TROAP: variants seen among roughly 807,000 people sequenced by gnomAD.
TROAP encodes the protein trophinin associated protein.
A neutral mutation model predicts 83.4 loss-of-function variants in TROAP; 62 were observed. The observed-to-expected ratio is 0.74, with a 90% CI of 0.61 to 0.92. The LOEUF is 0.92. Ranked by LOEUF, TROAP falls within the 40% of genes least tolerant of loss-of-function variation. The pLI is 0.00. For missense variants in TROAP, 876 were observed against 985.1 expected, an observed-to-expected ratio of 0.89 and a Z score of 1.48; for synonymous variants, 352 against 386.4, an observed-to-expected ratio of 0.91 and a Z score of 1.04.
rs541621519 is a variant in TROAP at position 49,323,425 on chromosome 12, G to T, written c.-6+76G>T. On this transcript the variant is annotated intron_variant, in intron 1 of 14. Coordinates refer to ENST00000257909, the MANE Select transcript of TROAP (RefSeq NM_005480.4). ...GGAGGGCAGTTTGGGGCCCGAGGGCGAAAGAGTAGGCTCGGGGTGTCTGGA... is the reference window on the plus strand; with the variant it reads ...GGAGGGCAGTTTGGGGCCCGAGGGCTAAAGAGTAGGCTCGGGGTGTCTGGA... 2.6e-4 allele frequency: 204 copies of T among 785,338 alleles called. 3 individuals are homozygous for T. In the East Asian group the frequency reaches 5.4e-3, roughly 21 times the overall value. The allele number at this position is 785,338 out of a possible 1,614,324, so 48.6% of individuals were successfully genotyped here. A position where few individuals can be genotyped will look rare whatever the true frequency, so the allele number is the denominator to read the frequency against.
chr12:49,323,886 C>G lies in TROAP; in HGVS notation c.186C>G (p.Leu62=), dbSNP rs749556712. 1.2e-6 allele frequency: 2 copies of G among 1,614,080 alleles called. No homozygotes were observed. The highest frequency in any genetic ancestry group is 1.1e-5 in the South Asian group (1 of 91,084). ...CACCGCTCAATATTCAACGCCCCCTCGTTGATTCAGCAGGCCCCAGGCCGA... is the reference window on the plus strand; with the variant it reads ...CACCGCTCAATATTCAACGCCCCCTGGTTGATTCAGCAGGCCCCAGGCCGA... The part of the protein sequence containing the change: ...QKPPLNIQRP[L]VDSAGPRPKA... The change falls in exon 3 of 15, where the codon CTC becomes CTG. Residue 62 remains leucine (L), a synonymous_variant. Transcript: ENST00000257909.
In TROAP at chr12:49,325,804, G is replaced by T. The variant is rs781060976; in HGVS notation, c.553G>T (p.Ala185Ser). The stretch of plus-strand genomic sequence containing the variant: ...AACCCCCACCCACCGACTGGACCCT[G>T]CCAGGGCTTCCTGCTTCTCTAGGCT... ...PRTPTHRLDP[A>S]RASCFSRLEG... is the part of the protein sequence containing the mutation. Residue 185 changes from alanine (A) to serine (S), a missense_variant, in exon 5 of 15, where the codon GCC becomes TCC. Around this residue, in one of 3 missense-constraint regions of TROAP, gnomAD observed 689 missense variants for 722.6 expected, o/e 0.95. Coordinates refer to ENST00000257909, the MANE Select transcript of TROAP (RefSeq NM_005480.4). The T allele has an allele frequency of 1.2e-6, 2 of 1,614,122 alleles. No homozygotes were observed. The highest frequency in any genetic ancestry group is 1.7e-5 in the Admixed American group (1 of 60,030).
intron 6 of TROAP, 159 bp from the exon 7 acceptor site, chr12:49,326,509 C>G (rs1298355112): frequency 2.2e-6 from 2 of 900,542 alleles, no homozygotes; most frequent in Non-Finnish European, 3.3e-6. Flanking sequence ...TTGCCTTCAC[C>G]TCTCTGAGCT....
intron 6 of TROAP, among the ~76,000 whole-genome samples, chr12:49,326,406 A>T (rs1408810947): frequency 6.6e-6 from 1 of 152,248 alleles, no homozygotes; most frequent in East Asian, 1.9e-4. Flanking sequence ...GAAATGTGCT[A>T]TCTCTTTTGT....
At position 49,329,641 on chromosome 12, in the gene TROAP, C is replaced by A; in HGVS notation, c.1164+187C>A. On this transcript the variant is annotated intron_variant, in intron 11 of 14. Coordinates refer to ENST00000257909, the MANE Select transcript of TROAP (RefSeq NM_005480.4). The surrounding 1 kb of genome is among the most constrained non-coding windows in gnomAD (Gnocchi z 4.5). The stretch of plus-strand genomic sequence containing the variant: ...AGATCTTTGAGACCAGCCTGGGCAA[C>A]ATAGTGAGACCCTGTCTCCACTAAA... The A allele has an allele frequency of 1.0e-6, 1 of 967,076 alleles. No homozygotes were observed. Among genetic ancestry groups the A allele is most frequent in the Non-Finnish European group, 1.5e-6 (1 of 648,904 alleles). The allele number at this position is 967,076 out of a possible 1,614,324, so 59.9% of individuals were successfully genotyped here. A position where few individuals can be genotyped will look rare whatever the true frequency, so the allele number is the denominator to read the frequency against.
rs10400538 is a variant in TROAP at position 49,330,119 on chromosome 12, C to G, written c.1300-26C>G. On this transcript the variant is annotated intron_variant, in intron 12 of 14. Transcript: ENST00000257909. ...CTACTGAACGCACATCTTGATGTCA[C>G]ACTGGGGTGCTCTCTCCCACCACAG... 1,872 of 1,609,898 alleles carry G rather than the reference C, an allele frequency of 1.2e-3. 17 individuals carry two copies. The African/African-American group carries it at 0.021, about 18-fold the overall frequency.
intron 6 of TROAP, among the ~76,000 whole-genome samples, chr12:49,326,376 A>G (rs1439092564): frequency 1.3e-5 from 2 of 152,036 alleles, no homozygotes. Context: ...TACTCAAGTC[A>G]TGGGGGGACA....
In TROAP at chr12:49,329,563, C is replaced by T. The variant is rs1357332200; in HGVS notation, c.1164+109C>T. On this transcript the variant is annotated intron_variant, in intron 11 of 14. Transcript: ENST00000257909. The surrounding 1 kb of genome is among the most constrained non-coding windows in gnomAD (Gnocchi z 4.5). ...TTTCTGGGCCAGGCATGGTGGCTCA[C>T]ACCTGTAATCCCAGCACTTTGGGAG... 6.9e-6 allele frequency: 9 copies of T among 1,299,552 alleles called. No individual in the cohort carries two copies. In the East Asian group the frequency reaches 2.1e-4, roughly 31 times the overall value. 80.5% of individuals were successfully genotyped at this position (1,299,552 alleles called of 1,614,324 possible). A position where few individuals can be genotyped will look rare whatever the true frequency, so the allele number is the denominator to read the frequency against.
At chr12:49,326,883 C>T (rs1042354550) in intron 7 of TROAP, among the ~76,000 whole-genome samples, 163 bp downstream of exon 7, 1 of 152,166 alleles carries the variant, frequency 6.6e-6, no homozygotes, top group African/African-American at 2.4e-5. Flanking sequence ...GATAGGCCAG[C>T]GATTGGCACA....
At chr12:49,326,611 T>C (rs1943504850) in intron 6 of TROAP, 57 bp from the exon 7 acceptor site, 1 of 1,514,682 alleles carries the variant, frequency 6.6e-7, no homozygotes, top group African/African-American at 1.4e-5. Flanking sequence ...ACTTAGCACA[T>C]GTCCAGCTCA....
intron 8 of TROAP, among the ~76,000 whole-genome samples, chr12:49,327,793 T>A (rs58601652): frequency 0.041 from 6,170 of 151,968 alleles, 289 homozygotes; most frequent in African/African-American, 0.12. Context: ...TCTAAAATAA[T>A]AATAATAATA....
At chr12:49,327,440 G>A (rs990536595) in intron 8 of TROAP, 110 bp downstream of exon 8, 1 of 1,489,260 alleles carries the variant, frequency 6.7e-7, no homozygotes, top group Admixed American at 1.9e-5. Flanking sequence ...GGAAGTCCTG[G>A]GCCTCAGGAT....
In TROAP at chr12:49,330,612, A is replaced by G. The variant is rs1170665010; in HGVS notation, c.1767A>G (p.Leu589=). ...GCCCTCCAGCAGAACCCAGGCCCCT[A>G]GAGTCCTACTGTAGGATTGAGCCTG... ...EPCPPAEPRP[L]ESYCRIEPEI... The change falls in exon 13 of 15, where the codon CTA becomes CTG. Residue 589 remains leucine (L), a synonymous_variant. Transcript: ENST00000257909. The G allele has an allele frequency of 1.2e-6, 2 of 1,611,106 alleles. No homozygotes were observed. The highest frequency in any genetic ancestry group is 1.1e-5 in the South Asian group (1 of 90,792).
chr12:49,331,256 G>T lies in TROAP; in HGVS notation c.2141G>T (p.Arg714Leu). ...LAPRTLALRE[R>L]LKSCLTAIHC... ...CCTCGAACCCTAGCCCTGAGGGAGC[G>T]CCTCAAATCGTGTTTAACCGCCATC... The change falls in exon 14 of 15, where the codon CGC becomes CTC. Residue 714 changes from arginine to leucine, a missense_variant. Arg to Leu is a moderately radical substitution (Grantham distance 102). Around this residue, in one of 3 missense-constraint regions of TROAP, gnomAD observed 184 missense variants for 238.3 expected, o/e 0.77. Coordinates refer to ENST00000257909, the MANE Select transcript of TROAP (RefSeq NM_005480.4). 1 of 1,614,166 alleles carries T rather than the reference G, an allele frequency of 6.2e-7. No homozygotes were observed. Among genetic ancestry groups the T allele is most frequent in the Non-Finnish European group, 8.5e-7 (1 of 1,180,018 alleles).
Position 49,329,985 on chromosome 12 carries a change from G to T in TROAP, c.1293G>T (p.Lys431Asn). The T allele has an allele frequency of 6.2e-7, 1 of 1,614,058 alleles. No homozygotes were observed. Among genetic ancestry groups the T allele is most frequent in the Non-Finnish European group, 8.5e-7 (1 of 1,179,956 alleles). The change falls in exon 12 of 15, where the codon AAG (lysine) becomes AAT (asparagine). Residue 431 changes from lysine to asparagine, a missense_variant. Lys to Asn is a moderately conservative substitution (Grantham distance 94). Coordinates refer to ENST00000257909, the MANE Select transcript of TROAP (RefSeq NM_005480.4). The surrounding 1 kb of genome is among the most constrained non-coding windows in gnomAD (Gnocchi z 4.5). ...GAACCCCCAGCCTCCAGGAGGTGAA[G>T]ATTCAAGTGAGTCTGTGTGGCCAAC... The part of the protein sequence containing the change: ...SNRTPSLQEV[K>N]IQRIGILQQL...
At chr12:49,326,965 C>T (rs957489884) in intron 7 of TROAP, among the ~76,000 whole-genome samples, 9 of 152,188 alleles carry the variant, frequency 5.9e-5, no homozygotes, top group Admixed American at 5.2e-4. Context: ...GATTTATCTT[C>T]CACTCACTGT....
In TROAP at chr12:49,325,723, T is replaced by C. The variant is rs757141647; in HGVS notation, c.496-24T>C. On this transcript the variant is annotated intron_variant, in intron 4 of 14. Transcript: ENST00000257909. The stretch of plus-strand genomic sequence containing the variant: ...CTGAGGGGGGCATCCTGAGCAGTGC[T>C]GACAGCCTCTGTTGGTGTCCCAGGG... The C allele has an allele frequency of 2.5e-6, 4 of 1,613,148 alleles. No homozygotes were observed. In the South Asian group the frequency reaches 4.4e-5, roughly 18 times the overall value.
chr12:49,327,145 G>T, intron 7 of TROAP, 64 bp from the exon 8 acceptor site: 1 of 1,602,958 alleles, frequency 6.2e-7, no homozygotes, highest in South Asian at 1.1e-5. Flanking sequence ...AGAAGTTGCA[G>T]AACACTGTGC....
Position 49,329,228 on chromosome 12 carries a change from C to T in TROAP, c.1088C>T (p.Thr363Ile), listed in dbSNP as rs757229708. The change falls in exon 10 of 15, where the codon ACC (threonine) becomes ATC (isoleucine). Residue 363 changes from threonine (T) to isoleucine (I), a missense_variant. Physicochemically the swap from Thr to Ile is moderately conservative, Grantham distance 89 (BLOSUM62 -1). Coordinates refer to ENST00000257909, the MANE Select transcript of TROAP (RefSeq NM_005480.4). The surrounding 1 kb of genome is among the most constrained non-coding windows in gnomAD (Gnocchi z 4.5). Reference sequence around the variant, plus strand: ...ACCCGGTTCACACCCATGCCATCAACCCCCAGAGTTCAGCAGGTAAGAGAG... The same window carrying T: ...ACCCGGTTCACACCCATGCCATCAATCCCCAGAGTTCAGCAGGTAAGAGAG... ...PKTRFTPMPS[T>I]PRVQQAQWLR... The T allele has an allele frequency of 1.2e-6, 2 of 1,614,194 alleles. No homozygotes were observed. The highest frequency in any genetic ancestry group is 2.2e-5 in the East Asian group (1 of 44,880).
Sources: allele counts gnomAD v4.1 joint callset (sites outside exome capture counted in the v4.1 genomes callset), GRCh38; gene constraint gnomAD v4.1.1; regional missense constraint gnomAD v4.1.1; non-coding constraint Gnocchi (gnomAD v3.1); transcripts MANE v1.5; gene names NCBI Gene and HGNC (gene_info 2026-07-23, HGNC 2026-07-21).